Variants in GABPA observed in about 807,000 individuals in gnomAD.
GABPA encodes GA binding protein transcription factor subunit alpha, also known as GA-binding protein alpha chain.
Under a neutral mutation model 59.4 loss-of-function variants are expected in GABPA, and 4 were observed. That is an observed-to-expected ratio of 0.07 (90% CI 0.03 to 0.15). The LOEUF (loss-of-function observed/expected upper bound fraction) is 0.15, where lower values mean the gene tolerates loss of function less well. Among genes scored for constraint, GABPA ranks in the 10% least tolerant of loss-of-function variants. The probability of loss-of-function intolerance (pLI) is 1.00; values close to 1 mark genes in which losing one functional copy is unlikely to be tolerated. For missense variants in GABPA, 251 were observed against 543.8 expected (o/e 0.46, Z 5.36); for synonymous variants, 164 against 183.1 (o/e 0.90, Z 0.84).
chr21:25,763,411 C>T (rs1022079686), intron 7 of GABPA: 6 of 207,656 alleles, frequency 2.9e-5, no homozygotes, highest in African/African-American at 1.4e-4. Context: ...ATTTGAGATA[C>T]ACAAAGAAAG....
Position 25,760,522 on chromosome 21 carries a change from A to G in GABPA, c.749-1790A>G, listed in dbSNP as rs367678766. On this transcript the variant is annotated intron_variant, in intron 6 of 9. Coordinates refer to ENST00000400075, the MANE Select transcript of GABPA (RefSeq NM_002040.4). ...CCACCACCTGCCTGCAGTCCCCCCT[A>G]TGTTGAAACTACATCCAAGTCCCAC... Among the ~76,000 whole-genome samples, 5 of 151,758 alleles carry G rather than the reference A, an allele frequency of 3.3e-5. No homozygotes were observed. The East Asian group carries it at 9.7e-4, about 30-fold the overall frequency.
intron 4 of GABPA, among the ~76,000 whole-genome samples, 176 bp from the exon 5 acceptor site, chr21:25,751,813 T>C (rs1302605251): frequency 1.3e-5 from 2 of 152,182 alleles, no homozygotes; most frequent in African/African-American, 4.8e-5. Flanking sequence ...GTTGCAAGAC[T>C]AGTAAAAGAA....
chr21:25,763,463 T>A (rs1811135785), intron 7 of GABPA: 1 of 170,890 alleles, frequency 5.9e-6, no homozygotes, highest in African/African-American at 2.4e-5. Flanking sequence ...TAAAATTTTT[T>A]ACACCAAGTA....
chr21:25,766,814 A>G (rs990638403), intron 9 of GABPA, among the ~76,000 whole-genome samples: 3 of 152,000 alleles, frequency 2.0e-5, no homozygotes, highest in African/African-American at 4.8e-5. Flanking sequence ...ATGTACTTCT[A>G]TGCCCATACA....
In GABPA at chr21:25,740,988, C is replaced by T. The variant is rs150004458; in HGVS notation, c.-26-585C>T. On this transcript the variant is annotated intron_variant, in intron 1 of 9. Coordinates refer to ENST00000400075, the MANE Select transcript of GABPA (RefSeq NM_002040.4). ...GTTGCTTTAATATAGTTAACAGACC[C>T]TTAACTTAATTTTGAGGTAACTTGT... Among the ~76,000 whole-genome samples, 622 of 152,270 alleles carry T rather than the reference C, an allele frequency of 4.1e-3. 3 individuals carry two copies. Among genetic ancestry groups the T allele is most frequent in the Non-Finnish European group, 5.8e-3 (396 of 68,028 alleles).
chr21:25,735,046 G>T lies in GABPA; in HGVS notation c.-559G>T. 3 of 1,355,202 alleles carry T rather than the reference G, an allele frequency of 2.2e-6. No individual in the cohort carries two copies. The East Asian group carries it at 7.5e-5, about 34-fold the overall frequency. 83.9% of individuals were successfully genotyped at this position (1,355,202 alleles called of 1,614,324 possible). On this transcript the variant is annotated 5_prime_UTR_variant, in exon 1 of 10. Transcript: ENST00000400075. ...CCGGACGGGTCTAGGTGAGACAGAA[G>T]CCAAACAGGAGGAGGAAGTGGAGGG...
intron 7 of GABPA, chr21:25,762,934 G>C: frequency 3.0e-6 from 1 of 335,908 alleles, no homozygotes. Context: ...AAGGCTTGAA[G>C]AGTCTACCAG....
rs1431392491 is a variant in GABPA at position 25,771,796 on chromosome 21, A to G, written c.*2564A>G. The G allele has an allele frequency of 6.6e-6, 1 of 152,078 alleles. No individual in the cohort carries two copies. Among genetic ancestry groups the G allele is most frequent in the African/African-American group, 2.4e-5 (1 of 41,458 alleles). 9.4% of individuals were successfully genotyped at this position (152,078 alleles called of 1,614,324 possible). A position where few individuals can be genotyped will look rare whatever the true frequency, so the allele number is the denominator to read the frequency against. ...GTTTTAAAATTTGTTTTCCATGTGAAGTTTTTATTGAGCCAACTTTCATAC... is the reference window on the plus strand; with the variant it reads ...GTTTTAAAATTTGTTTTCCATGTGAGGTTTTTATTGAGCCAACTTTCATAC... On this transcript the variant is annotated 3_prime_UTR_variant, in exon 10 of 10. Transcript: ENST00000400075.
At chr21:25,758,281 G>A (rs1026815672) in intron 6 of GABPA, 77 bp downstream of exon 6, 2 of 1,014,772 alleles carry the variant, frequency 2.0e-6, no homozygotes, top group Non-Finnish European at 1.4e-6. Context: ...TTTCATCTTA[G>A]TTGTTTATTG....
chr21:25,747,332 T>C (rs2123511802), intron 3 of GABPA, among the ~76,000 whole-genome samples: 1 of 152,346 alleles, frequency 6.6e-6, no homozygotes, highest in Non-Finnish European at 1.5e-5. Context: ...ATTTATTGCT[T>C]TCTTTATAAC....
chr21:25,738,795 T>C (rs547083936), intron 1 of GABPA, among the ~76,000 whole-genome samples: 1 of 152,278 alleles, frequency 6.6e-6, no homozygotes, highest in Admixed American at 6.5e-5. Context: ...TCCTTCAAGG[T>C]AGATCCCTAC....
intron 1 of GABPA, among the ~76,000 whole-genome samples, chr21:25,737,083 C>G (rs1011402936): frequency 1.3e-5 from 2 of 152,212 alleles, no homozygotes; most frequent in African/African-American, 4.8e-5. Flanking sequence ...TTAAAAGACA[C>G]TAGCCGTTCC....
At chr21:25,746,828 C>G (rs1336567052) in intron 3 of GABPA, among the ~76,000 whole-genome samples, 1 of 152,124 alleles carries the variant, frequency 6.6e-6, no homozygotes, top group African/African-American at 2.4e-5. Flanking sequence ...GAAATGCTCA[C>G]TTGGGTAGGT....
intron 2 of GABPA, 63 bp downstream of exon 2, chr21:25,741,738 A>G: frequency 2.9e-6 from 3 of 1,028,726 alleles, no homozygotes; most frequent in South Asian, 2.9e-5. Flanking sequence ...AAAACCAGGA[A>G]ACAAGTCATA....
In GABPA at chr21:25,755,723, CAT is replaced by C. The variant is rs375910283; in HGVS notation, c.554-2286_554-2285del. On this transcript the variant is annotated intron_variant, in intron 5 of 9. Transcript: ENST00000400075. ...TTAATAAATGTTTTCCCGGTGTCCA[CAT>C]GTGTGGGGTGCACTCATTTAACTGG... 2.0e-4 allele frequency among the ~76,000 whole-genome samples: 30 copies of C among 152,266 alleles called. No individual in the cohort carries two copies. In the East Asian group the frequency reaches 5.4e-3, roughly 27 times the overall value.
At chr21:25,761,918 C>CT (rs1319773620) in intron 6 of GABPA, among the ~76,000 whole-genome samples, 1 of 151,974 alleles carries the variant, frequency 6.6e-6, no homozygotes, top group Non-Finnish European at 1.5e-5. Flanking sequence ...GGAAGGAGGC[C>CT]TTTTTGGTGG....
At position 25,735,329 on chromosome 21, in the gene GABPA, T is replaced by C; in HGVS notation, c.-276T>C. The C allele has an allele frequency of 4.0e-6, 1 of 250,098 alleles. No individual in the cohort carries two copies. Among genetic ancestry groups the C allele is most frequent in the South Asian group, 6.9e-5 (1 of 14,530 alleles). 15.5% of individuals were successfully genotyped at this position (250,098 alleles called of 1,614,324 possible). A position where few individuals can be genotyped will look rare whatever the true frequency, so the allele number is the denominator to read the frequency against. ...CTTCCTTGTACCTCGTGAGCCTCCG[T>C]TGCCTTGGGCGGTCGTTTTGCGCAC... On this transcript the variant is annotated 5_prime_UTR_variant, in exon 1 of 10. Coordinates refer to ENST00000400075, the MANE Select transcript of GABPA (RefSeq NM_002040.4).
chr21:25,771,691 A>G lies in GABPA; in HGVS notation c.*2459A>G, dbSNP rs191051389. 347 of 152,130 alleles carry G rather than the reference A, an allele frequency of 2.3e-3. 2 individuals carry two copies. The highest frequency in any genetic ancestry group is 8.1e-3 in the African/African-American group (335 of 41,572). 9.4% of individuals were successfully genotyped at this position (152,130 alleles called of 1,614,324 possible). ...TTTTCATAGAATTTACAGTATATTC[A>G]AAGGAAGAAAGATAAAATTATTGGT... On this transcript the variant is annotated 3_prime_UTR_variant, in exon 10 of 10. Coordinates refer to ENST00000400075, the MANE Select transcript of GABPA (RefSeq NM_002040.4).
At chr21:25,749,622 A>C (rs1369525137) in intron 4 of GABPA, among the ~76,000 whole-genome samples, 2 of 152,186 alleles carry the variant, frequency 1.3e-5, no homozygotes, top group Non-Finnish European at 2.9e-5. Flanking sequence ...ATTTGAGGTC[A>C]AGAGTTTGAG....
Sources: gnomAD v4.1 joint callset for allele counts (sites outside exome capture counted in the v4.1 genomes callset) on GRCh38, gnomAD v4.1.1 for gene constraint, MANE v1.5 for transcripts, NCBI Gene and HGNC (gene_info 2026-07-23, HGNC 2026-07-21) for gene names.